ZBTB20: variants seen among roughly 807,000 people sequenced by gnomAD.
ZBTB20 encodes the protein zinc finger and BTB domain containing 20, also known as zinc finger and BTB domain-containing protein 20.
Under a neutral mutation model 56.9 loss-of-function variants are expected in ZBTB20, and 9 were observed. That is an observed-to-expected ratio of 0.16 (90% CI 0.10 to 0.28). The LOEUF (loss-of-function observed/expected upper bound fraction) is 0.28, where lower values mean the gene tolerates loss of function less well. ZBTB20 is among the 10% of genes least tolerant of loss of function. The probability of loss-of-function intolerance (pLI) is 1.00; values close to 1 mark genes in which losing one functional copy is unlikely to be tolerated. For synonymous variants in ZBTB20, 417 were observed against 420.7 expected, an observed-to-expected ratio of 0.99 and a Z score of 0.11; for missense variants, 655 against 1,003.0, an observed-to-expected ratio of 0.65 and a Z score of 4.69.
chr3:114,931,372 C>A, intron 3 of ZBTB20: 1 of 241,920 alleles, frequency 4.1e-6, no homozygotes, highest in East Asian at 1.3e-4. Context: ...CCCAGAAAAC[C>A]CTAAACCACA....
intron 4 of ZBTB20, among the ~76,000 whole-genome samples, chr3:114,853,988 G>A (rs2075126339): frequency 6.6e-6 from 1 of 152,072 alleles, no homozygotes; most frequent in Admixed American, 6.6e-5. Flanking sequence ...ACTTTAAGAT[G>A]AAAATCTTTA....
intron 5 of ZBTB20, among the ~76,000 whole-genome samples, chr3:114,741,077 C>A (rs9289002): frequency 1.3e-5 from 2 of 152,090 alleles, no homozygotes; most frequent in Non-Finnish European, 2.9e-5. Flanking sequence ...CTATTTCCTA[C>A]GGTTACCACC....
intron 3 of ZBTB20, among the ~76,000 whole-genome samples, chr3:114,971,594 A>G (rs925197137): frequency 1.3e-5 from 2 of 152,244 alleles, no homozygotes; most frequent in African/African-American, 4.8e-5. Context: ...AACAAGGAGG[A>G]AAAGACACAT....
At chr3:114,839,059 G>C (rs991198490) in intron 4 of ZBTB20, among the ~76,000 whole-genome samples, 3 of 152,030 alleles carry the variant, frequency 2.0e-5, no homozygotes, top group African/African-American at 7.2e-5. Flanking sequence ...GCATGAACCA[G>C]CCATTTTCCT....
chr3:114,415,194 T>C (rs2088412203), intron 7 of ZBTB20, among the ~76,000 whole-genome samples: 1 of 152,086 alleles, frequency 6.6e-6, no homozygotes, highest in East Asian at 1.9e-4. Context: ...AAACAAGGCA[T>C]AGGGATGTGG....
At chr3:114,816,218 A>T (rs1230117203) in intron 4 of ZBTB20, among the ~76,000 whole-genome samples, 1 of 152,212 alleles carries the variant, frequency 6.6e-6, no homozygotes, top group African/African-American at 2.4e-5. Context: ...TACACAATAC[A>T]TCAATATGTT....
intron 2 of ZBTB20, among the ~76,000 whole-genome samples, chr3:115,030,850 T>G (rs2080642859): frequency 6.6e-6 from 1 of 151,374 alleles, no homozygotes; most frequent in Admixed American, 6.6e-5. Flanking sequence ...TTCTCATTTA[T>G]GAGTCTTTTC....
chr3:114,451,767 T>C (rs1389453587), intron 7 of ZBTB20, among the ~76,000 whole-genome samples: 1 of 152,160 alleles, frequency 6.6e-6, no homozygotes, highest in Non-Finnish European at 1.5e-5. Context: ...TGGAGCGGAT[T>C]GCCTACAGGA....
At chr3:114,434,809 CTG>C (rs2090400884) in intron 7 of ZBTB20, among the ~76,000 whole-genome samples, 1 of 152,086 alleles carries the variant, frequency 6.6e-6, no homozygotes, top group Non-Finnish European at 1.5e-5. Context: ...GAATTAATCT[CTG>C]TGAAAACCGA....
intron 6 of ZBTB20, among the ~76,000 whole-genome samples, chr3:114,621,595 T>C (rs1476770616): frequency 6.6e-6 from 1 of 152,150 alleles, no homozygotes; most frequent in East Asian, 1.9e-4. Context: ...TAACAACAAT[T>C]CTGTTATTTA....
At chr3:114,925,131 A>C (rs928183726) in intron 3 of ZBTB20, among the ~76,000 whole-genome samples, 2 of 151,262 alleles carry the variant, frequency 1.3e-5, no homozygotes, top group Admixed American at 1.3e-4. Context: ...TTACAGGCAC[A>C]TGCCACCACA....
At chr3:114,408,583 A>C (rs1318624335) in intron 7 of ZBTB20, among the ~76,000 whole-genome samples, 1 of 151,870 alleles carries the variant, frequency 6.6e-6, no homozygotes, top group Non-Finnish European at 1.5e-5. Context: ...TCCATAGAAG[A>C]CTAACGATTG....
Position 115,066,889 on chromosome 3 carries a change from T to A in ZBTB20, c.-507+4330A>T, listed in dbSNP as rs1420515304. On this transcript the variant is annotated intron_variant, in intron 2 of 11. Coordinates refer to ENST00000675478, the MANE Select transcript of ZBTB20 (RefSeq NM_001348800.3). ...AGAGAGTGAAAAGATTAAAAACCAGTTAAAACCATTTAAAATTATTAAAGT... is the reference window on the plus strand; with the variant it reads ...AGAGAGTGAAAAGATTAAAAACCAGATAAAACCATTTAAAATTATTAAAGT... Among the ~76,000 whole-genome samples, 3 of 152,126 alleles carry A rather than the reference T, an allele frequency of 2.0e-5. No homozygotes were observed. The East Asian group carries it at 5.8e-4, about 29-fold the overall frequency.
In ZBTB20 at chr3:114,876,071, C is replaced by T. The variant is rs577849345; in HGVS notation, c.-417+24233G>A. Among the ~76,000 whole-genome samples, 234 of 150,430 alleles carry T rather than the reference C, an allele frequency of 1.6e-3. 1 individual carries two copies. The highest frequency in any genetic ancestry group is 5.5e-3 in the African/African-American group (226 of 41,036). Reference sequence around the variant, plus strand: ...CAAAACAGCAAGATCCCCATCTCTACAAAATTTTTTTTAAAATTAGCGGGG... The same window carrying T: ...CAAAACAGCAAGATCCCCATCTCTATAAAATTTTTTTTAAAATTAGCGGGG... On this transcript the variant is annotated intron_variant, in intron 4 of 11. Transcript: ENST00000675478.
rs572848956 is a variant in ZBTB20 at position 114,634,622 on chromosome 3, G to A, written c.-295+58906C>T. 6.9e-4 allele frequency among the ~76,000 whole-genome samples: 105 copies of A among 152,294 alleles called. No homozygotes were observed. In the Middle Eastern group the frequency reaches 0.037, roughly 54 times the overall value. The stretch of plus-strand genomic sequence containing the variant: ...ACCTTGCAAATATATTCAGATTGTA[G>A]CTAAGAAATAGAGGCACCCTAGAGG... On this transcript the variant is annotated intron_variant, in intron 6 of 11. Transcript: ENST00000675478.
intron 2 of ZBTB20, among the ~76,000 whole-genome samples, chr3:115,028,604 C>G (rs1014454281): frequency 1.3e-5 from 2 of 149,990 alleles, no homozygotes; most frequent in Non-Finnish European, 3.0e-5. Flanking sequence ...TATAAGGATA[C>G]AAAACTTCTC....
chr3:114,379,259 A>C (rs2084025985), intron 10 of ZBTB20: 1 of 152,230 alleles, frequency 6.6e-6, no homozygotes, highest in Non-Finnish European at 1.5e-5. Context: ...CTCATTTTAA[A>C]GAAGAATATG....
chr3:114,682,314 T>A (rs1355286972), intron 6 of ZBTB20, among the ~76,000 whole-genome samples: 2 of 152,224 alleles, frequency 1.3e-5, no homozygotes, highest in Non-Finnish European at 2.9e-5. Context: ...TGTGGGGATT[T>A]TAATCGTCCT....
chr3:114,919,373 AT>A (rs1455398401), intron 3 of ZBTB20, among the ~76,000 whole-genome samples: 1 of 152,178 alleles, frequency 6.6e-6, no homozygotes, highest in African/African-American at 2.4e-5. Flanking sequence ...ATTGAATAAA[AT>A]ACAAAAGAAG....
Sources: gnomAD v4.1 joint callset for allele counts (sites outside exome capture counted in the v4.1 genomes callset) on GRCh38, gnomAD v4.1.1 for gene constraint, MANE v1.5 for transcripts, NCBI Gene and HGNC (gene_info 2026-07-23, HGNC 2026-07-21) for gene names.